MTIF3: variants seen among roughly 807,000 people sequenced by gnomAD.
The protein encoded by MTIF3 is translation initiation factor IF-3, mitochondrial.
In MTIF3, 13 loss-of-function variants were observed where a neutral mutation model predicts 20.7. The observed-to-expected ratio is 0.63, with a 90% CI of 0.41 to 1.00. MTIF3 has a LOEUF of 1.00. Among genes scored for constraint, MTIF3 ranks in the 50% least tolerant of loss-of-function variants. The probability of loss-of-function intolerance (pLI) is 0.00; values close to 1 mark genes in which losing one functional copy is unlikely to be tolerated. For synonymous variants in MTIF3, 114 were observed against 112.5 expected (o/e 1.01, Z -0.08); for missense variants, 295 against 324.5 (o/e 0.91, Z 0.70).
intron 3 of MTIF3, 62 bp downstream of exon 3, chr13:27,439,927 G>C: frequency 2.8e-6 from 4 of 1,451,918 alleles, no homozygotes; most frequent in Non-Finnish European, 1.9e-6. Context: ...ACAAATGCTA[G>C]AATTTAAACT....
intron 1 of MTIF3, among the ~76,000 whole-genome samples, chr13:27,446,961 C>T (rs1162653861): frequency 1.3e-5 from 2 of 152,084 alleles, no homozygotes; most frequent in Non-Finnish European, 2.9e-5. Context: ...TAATGAAAAA[C>T]CACTTGCAGT....
chr13:27,448,485 G>A (rs1954250240), intron 1 of MTIF3, among the ~76,000 whole-genome samples: 1 of 152,246 alleles, frequency 6.6e-6, no homozygotes, highest in South Asian at 2.1e-4. Context: ...TAATCCCAGA[G>A]GGCCTGCGCT....
intron 1 of MTIF3, among the ~76,000 whole-genome samples, chr13:27,449,302 A>C (rs1273734660): frequency 6.6e-6 from 1 of 152,094 alleles, no homozygotes; most frequent in African/African-American, 2.4e-5. Context: ...CCTCGTTTGG[A>C]TTCCTGCCAG....
chr13:27,442,391 C>T (rs1361786265), intron 2 of MTIF3, among the ~76,000 whole-genome samples: 1 of 152,068 alleles, frequency 6.6e-6, no homozygotes, highest in Non-Finnish European at 1.5e-5. Context: ...ACAGTAACAG[C>T]TTCCCGACTG....
rs1467791890 is a variant in MTIF3 at position 27,442,625 on chromosome 13, G to C, written c.-1-2176C>G. Among the ~76,000 whole-genome samples, 3 of 152,210 alleles carry C rather than the reference G, an allele frequency of 2.0e-5. No individual in the cohort carries two copies. In the South Asian group the frequency reaches 6.2e-4, roughly 32 times the overall value. On this transcript the variant is annotated intron_variant, in intron 2 of 4. Coordinates refer to ENST00000381120, the MANE Select transcript of MTIF3 (RefSeq NM_152912.5). ...TTCCAGCCTCCTTGCTGTTCCTTGT[G>C]AACAGTGAACACACCCCTCCTCTGG... is the stretch of plus-strand genomic sequence containing the variant.
intron 3 of MTIF3, among the ~76,000 whole-genome samples, chr13:27,438,970 C>T (rs1229992078): frequency 2.6e-5 from 4 of 152,198 alleles, no homozygotes; most frequent in South Asian, 2.1e-4. Context: ...TGGGAGCAGT[C>T]ATCTGATGCC....
intron 2 of MTIF3, among the ~76,000 whole-genome samples, chr13:27,442,036 GTCTCT>G (rs752827751): frequency 4.6e-5 from 7 of 152,190 alleles, no homozygotes; most frequent in South Asian, 2.1e-4. Context: ...TCTGGTGCCA[GTCTCT>G]TCTCTTGAGT....
chr13:27,435,748 T>C lies in MTIF3; in HGVS notation c.764A>G (p.Gln255Arg). The C allele has an allele frequency of 1.2e-6, 2 of 1,614,134 alleles. No homozygotes were observed. Among genetic ancestry groups the C allele is most frequent in the Admixed American group, 1.7e-5 (1 of 60,024 alleles). ...KNEEKAYKET[Q>R]ETQERDTLNK... is the part of the protein sequence containing the mutation. ...CAAAGTGTCTCTTTCCTGGGTCTCTTGAGTTTCTTTATATGCCTTCTCCTC... is the reference window on the plus strand; with the variant it reads ...CAAAGTGTCTCTTTCCTGGGTCTCTCGAGTTTCTTTATATGCCTTCTCCTC... The change falls in exon 5 of 5, where the codon CAA becomes CGA. Residue 255 changes from glutamine (Q) to arginine (R), a missense_variant. By Grantham distance (43) the Gln-to-Arg change is conservative. Transcript: ENST00000381120.
At chr13:27,446,015 G>C (rs926201217) in intron 1 of MTIF3, among the ~76,000 whole-genome samples, 2 of 151,542 alleles carry the variant, frequency 1.3e-5, no homozygotes, top group African/African-American at 4.8e-5. Context: ...ATCTGAATAG[G>C]GACTAGGTAT....
rs569292164 is a variant in MTIF3, at chr13:27,446,367, C to G, written c.-70-1211G>C. Among the ~76,000 whole-genome samples, 26 of 152,244 alleles carry G rather than the reference C, an allele frequency of 1.7e-4. No homozygotes were observed. The South Asian group carries it at 5.4e-3, about 32-fold the overall frequency. The stretch of plus-strand genomic sequence containing the variant: ...GCCACGGCACCCGCCTGTTAATTTT[C>G]TTAGGTGTGAAAATGGAATTCTTAA... On this transcript the variant is annotated intron_variant, in intron 1 of 4. Coordinates refer to ENST00000381120, the MANE Select transcript of MTIF3 (RefSeq NM_152912.5).
chr13:27,440,101 C>T lies in MTIF3; in HGVS notation c.348G>A (p.Leu116=), dbSNP rs762120758. The T allele has an allele frequency of 1.2e-6, 2 of 1,614,214 alleles. No individual in the cohort carries two copies. The highest frequency in any genetic ancestry group is 1.7e-6 in the Non-Finnish European group (2 of 1,180,040). ...IRLMDERDLR[L]VQRNTSTEPA... is the part of the protein sequence containing the mutation. ...GTTCTGTGCTGGTGTTCCTTTGAAC[C>T]AGTCGCAGGTCTCGCTCATCCATAA... Residue 116 remains leucine, a synonymous_variant, in exon 3 of 5, where the codon CTG becomes CTA. Coordinates refer to ENST00000381120, the MANE Select transcript of MTIF3 (RefSeq NM_152912.5).
At position 27,440,563 on chromosome 13, in the gene MTIF3, G is replaced by A. The variant is rs1208456756; in HGVS notation, c.-1-114C>T. 1.5e-5 allele frequency: 12 copies of A among 778,322 alleles called. No homozygotes were observed. The East Asian group carries it at 2.9e-4, about 19-fold the overall frequency. 48.2% of individuals were successfully genotyped at this position (778,322 alleles called of 1,614,324 possible). ...TTGTGGAGGCTGTAACTGCAAGTGT[G>A]AGGGAAATGCTGTTCTCTAGACTTT... is the stretch of plus-strand genomic sequence containing the variant. On this transcript the variant is annotated intron_variant, in intron 2 of 4. Transcript: ENST00000381120.
chr13:27,439,447 C>T (rs1043588675), intron 3 of MTIF3, among the ~76,000 whole-genome samples: 2 of 152,152 alleles, frequency 1.3e-5, no homozygotes, highest in Non-Finnish European at 2.9e-5. Context: ...AGTGAGCACA[C>T]ATCGCACCAC....
chr13:27,443,227 T>C (rs1480700258), intron 2 of MTIF3, among the ~76,000 whole-genome samples: 1 of 152,238 alleles, frequency 6.6e-6, no homozygotes, highest in African/African-American at 2.4e-5. Flanking sequence ...CAGCTGTAGA[T>C]GCTGTAAAGG....
intron 1 of MTIF3, among the ~76,000 whole-genome samples, chr13:27,449,549 C>T (rs960728402): frequency 1.3e-5 from 2 of 152,158 alleles, no homozygotes; most frequent in African/African-American, 4.8e-5. Context: ...ATCCTTAGCG[C>T]ATTCTTCTGA....
At chr13:27,446,143 G>A (rs904081225) in intron 1 of MTIF3, among the ~76,000 whole-genome samples, 17 of 151,812 alleles carry the variant, frequency 1.1e-4, no homozygotes, top group African/African-American at 3.9e-4. Flanking sequence ...TGCAACCTCC[G>A]CCTCCCAGGT....
intron 1 of MTIF3, among the ~76,000 whole-genome samples, chr13:27,449,188 A>T (rs1954274096): frequency 6.6e-6 from 1 of 152,138 alleles, no homozygotes; most frequent in Non-Finnish European, 1.5e-5. Context: ...TTTCCCAGTC[A>T]ACCCAACACC....
chr13:27,442,376 G>A (rs893815308), intron 2 of MTIF3, among the ~76,000 whole-genome samples: 2 of 151,998 alleles, frequency 1.3e-5, no homozygotes, highest in African/African-American at 2.4e-5. Flanking sequence ...CAGTAAAACC[G>A]CATCACAGTA....
intron 4 of MTIF3, among the ~76,000 whole-genome samples, chr13:27,436,815 G>C (rs535322815): frequency 2.1e-5 from 3 of 142,482 alleles, no homozygotes; most frequent in Non-Finnish European, 4.5e-5. Context: ...GCAGTGGCGC[G>C]ATCTCGGCTC....
Sources: allele counts gnomAD v4.1 joint callset (sites outside exome capture counted in the v4.1 genomes callset), GRCh38; gene constraint gnomAD v4.1.1; transcripts MANE v1.5; gene names NCBI Gene and HGNC (gene_info 2026-07-23, HGNC 2026-07-21).